The following GCA variants were observed in gnomAD, a reference collection of about 807,000 sequenced individuals.
GCA encodes grancalcin, EF-hand calcium-binding protein.
In GCA, 30 loss-of-function variants were observed where a neutral mutation model predicts 32.6. The observed-to-expected ratio is 0.92, with a 90% confidence interval of 0.69 to 1.25. GCA has a LOEUF of 1.25. GCA is among the 50% of genes most tolerant of loss of function. GCA has a pLI of 0.00. For synonymous variants in GCA, 102 were observed against 84.6 expected, an observed-to-expected ratio of 1.21 and a Z score of -1.13; for missense variants, 291 against 266.8, an observed-to-expected ratio of 1.09 and a Z score of -0.63.
chr2:162,359,271 T>C (rs1685449816), intron 6 of GCA, 114 bp downstream of exon 6: 1 of 691,398 alleles, frequency 1.4e-6, no homozygotes, highest in Non-Finnish European at 2.6e-6. Context: ...CTTTATTCAC[T>C]GTTAAATCTA....
Position 162,362,510 on chromosome 2 carries a change from C to A in GCA, c.*2267C>A, listed in dbSNP as rs1685618204. 2.1e-6 allele frequency: 2 copies of A among 969,072 alleles called. No individual in the cohort carries two copies. Among genetic ancestry groups the A allele is most frequent in the Non-Finnish European group, 1.2e-6 (1 of 815,272 alleles). The allele number at this position is 969,072 out of a possible 1,614,324, so 60.0% of individuals were successfully genotyped here. On this transcript the variant is annotated 3_prime_UTR_variant, in exon 8 of 8. Coordinates refer to ENST00000437150, the MANE Select transcript of GCA (RefSeq NM_012198.5). ...GCACTGGTTAACTTACACCCCAGTTCTTTTACGATGATGTAAATTATTGAA... is the reference window on the plus strand; with the variant it reads ...GCACTGGTTAACTTACACCCCAGTTATTTTACGATGATGTAAATTATTGAA...
intron 5 of GCA, among the ~76,000 whole-genome samples, chr2:162,357,560 A>G (rs1034831986): frequency 6.6e-6 from 1 of 151,742 alleles, no homozygotes; most frequent in Non-Finnish European, 1.5e-5. Context: ...ATGAAAATTA[A>G]TTTTTTGGAA....
At chr2:162,328,012 C>T (rs1046624288) in intron 1 of GCA, among the ~76,000 whole-genome samples, 5 of 152,058 alleles carry the variant, frequency 3.3e-5, no homozygotes, top group Non-Finnish European at 4.4e-5. Context: ...CCCACTTTGG[C>T]GGCACTTGAG....
intron 3 of GCA, among the ~76,000 whole-genome samples, chr2:162,352,629 A>G (rs1477761331): frequency 6.6e-6 from 1 of 152,160 alleles, no homozygotes; most frequent in African/African-American, 2.4e-5. Flanking sequence ...TTTGACTTTT[A>G]AAAATCTGAT....
upstream of GCA, among the ~76,000 whole-genome samples, chr2:162,340,601 C>T (rs1684411322): frequency 6.6e-6 from 1 of 152,128 alleles, no homozygotes; most frequent in Non-Finnish European, 1.5e-5. Context: ...AGATTTCAAA[C>T]TCTTCGGTGG....
intron 5 of GCA, 45 bp downstream of exon 5, chr2:162,356,950 T>C: frequency 7.4e-7 from 1 of 1,352,932 alleles, no homozygotes; most frequent in Middle Eastern, 1.9e-4. Context: ...CTAATCTTTG[T>C]TCTTTGATTA....
At chr2:162,368,085 AC>A (rs1685813791), downstream of GCA, among the ~76,000 whole-genome samples, 1 of 151,802 alleles carries the variant, frequency 6.6e-6, no homozygotes, top group Admixed American at 6.6e-5. Context: ...GCTGGGTCCC[AC>A]CCCTAAATTT....
intron 1 of GCA, among the ~76,000 whole-genome samples, chr2:162,331,574 C>T (rs1684085973): frequency 6.6e-6 from 1 of 152,190 alleles, no homozygotes; most frequent in South Asian, 2.1e-4. Flanking sequence ...ACATTTTGCC[C>T]TTCTGACCCA....
At position 162,360,414 on chromosome 2, in the gene GCA, C is replaced by T. The variant is rs112199280; in HGVS notation, c.*171C>T. ...GATAGTTCAAAGCAATAAAAGATTT[C>T]TTTTTTAATTTGAGGTATTACTGCT... On this transcript the variant is annotated 3_prime_UTR_variant, in exon 8 of 8. Transcript: ENST00000437150. 2 of 1,252,962 alleles carry T rather than the reference C, an allele frequency of 1.6e-6. No homozygotes were observed. The highest frequency in any genetic ancestry group is 2.5e-5 in the South Asian group (1 of 39,456). 77.6% of individuals were successfully genotyped at this position (1,252,962 alleles called of 1,614,324 possible). A position where few individuals can be genotyped will look rare whatever the true frequency, so the allele number is the denominator to read the frequency against.
At chr2:162,332,298 G>A (rs1352146762) in intron 1 of GCA, among the ~76,000 whole-genome samples, 3 of 105,924 alleles carry the variant, frequency 2.8e-5, no homozygotes, top group African/African-American at 1.1e-4. Flanking sequence ...GACAGAGCAA[G>A]ACTCCATCTC....
intron 6 of GCA, 118 bp from the exon 7 acceptor site, chr2:162,359,375 AT>A: frequency 3.4e-6 from 2 of 595,868 alleles, no homozygotes; most frequent in Non-Finnish European, 5.9e-6. Flanking sequence ...TGCCAGGGCT[AT>A]TCAATCACTT....
At chr2:162,335,856 T>C (rs754386892) in intron 1 of GCA, among the ~76,000 whole-genome samples, 18 of 152,184 alleles carry the variant, frequency 1.2e-4, no homozygotes, top group Admixed American at 1.0e-3. Context: ...TCTTCCAGAG[T>C]TAGCATGGAT....
intron 1 of GCA, among the ~76,000 whole-genome samples, chr2:162,333,161 AG>A (rs1684155524): frequency 6.6e-6 from 1 of 152,106 alleles, no homozygotes; most frequent in Non-Finnish European, 1.5e-5. Context: ...ATGCTAAAAA[AG>A]TTGAGCAAGT....
chr2:162,320,684 C>T (rs563555989), intron 1 of GCA, among the ~76,000 whole-genome samples: 13 of 152,152 alleles, frequency 8.5e-5, no homozygotes, highest in Non-Finnish European at 1.6e-4. Flanking sequence ...TTCATTGTAT[C>T]ATCTAGTCAT....
At chr2:162,323,155 C>A in intron 1 of GCA, among the ~76,000 whole-genome samples, 1 of 151,756 alleles carries the variant, frequency 6.6e-6, no homozygotes, top group Non-Finnish European at 1.5e-5. Flanking sequence ...TCTCTGATGG[C>A]CAGTGATGGT....
rs1462947286 is a variant in GCA, at chr2:162,361,995, CA to C, written c.*1755del. ...AGTTGAGGTAAAACTTTTAAAATGA[CA>C]AATGGTATTATTCATGTAAGCTTCT... is the stretch of plus-strand genomic sequence containing the variant. On this transcript the variant is annotated 3_prime_UTR_variant, in exon 8 of 8. Transcript: ENST00000437150. 6.1e-6 allele frequency: 6 copies of C among 982,246 alleles called. No individual in the cohort carries two copies. The highest frequency in any genetic ancestry group is 7.3e-6 in the Non-Finnish European group (6 of 827,492). The allele number at this position is 982,246 out of a possible 1,614,324, so 60.8% of individuals were successfully genotyped here. A position where few individuals can be genotyped will look rare whatever the true frequency, so the allele number is the denominator to read the frequency against.
At position 162,361,460 on chromosome 2, in the gene GCA, T is replaced by C. The variant is rs1480531319; in HGVS notation, c.*1217T>C. On this transcript the variant is annotated 3_prime_UTR_variant, in exon 8 of 8. Transcript: ENST00000437150. ...TTTTCTAACCTAACAGTGAGTGACA[T>C]AATTTTATGACTGCTGACCAAATTA... 3.1e-6 allele frequency: 3 copies of C among 977,250 alleles called. No individual in the cohort carries two copies. The African/African-American group carries it at 5.3e-5, about 17-fold the overall frequency. 60.5% of individuals were successfully genotyped at this position (977,250 alleles called of 1,614,324 possible).
At chr2:162,355,146 C>T (rs778916900) in intron 3 of GCA, among the ~76,000 whole-genome samples, 6 of 152,102 alleles carry the variant, frequency 3.9e-5, no homozygotes, top group African/African-American at 1.2e-4. Context: ...GCTTTGTAAA[C>T]GTGGGGAACT....
At chr2:162,341,914 G>C (rs1474156359), upstream of GCA, among the ~76,000 whole-genome samples, 3 of 152,108 alleles carry the variant, frequency 2.0e-5, no homozygotes, top group Non-Finnish European at 4.4e-5. Flanking sequence ...TGATGGAGTT[G>C]TTTTGAGAAA....
Sources: gnomAD v4.1 joint callset for allele counts (sites outside exome capture counted in the v4.1 genomes callset) on GRCh38, gnomAD v4.1.1 for gene constraint, MANE v1.5 for transcripts, NCBI Gene and HGNC (gene_info 2026-07-23, HGNC 2026-07-21) for gene names.